The following FRMPD4 variants were observed in gnomAD, a reference collection of about 807,000 sequenced individuals.
FRMPD4 encodes FERM and PDZ domain containing 4, also known as FERM and PDZ domain-containing protein 4.
A neutral mutation model predicts 94.1 loss-of-function variants in FRMPD4; 22 were observed. The observed-to-expected ratio is 0.23, with a 90% CI of 0.17 to 0.33. The LOEUF (loss-of-function observed/expected upper bound fraction) is 0.33, where lower values mean the gene tolerates loss of function less well. Among genes scored for constraint, FRMPD4 ranks in the 10% least tolerant of loss-of-function variants. FRMPD4 has a pLI of 1.00. For synonymous variants in FRMPD4, 631 were observed against 548.6 expected (o/e 1.15, Z -2.10); for missense variants, 1,111 against 1,339.9 (o/e 0.83, Z 2.67).
chrX:12,552,509 T>G (rs773111215), intron 2 of FRMPD4, among the ~76,000 whole-genome samples: 4 of 111,802 alleles, frequency 3.6e-5, no homozygotes, highest in Non-Finnish European at 7.5e-5. Context: ...TTAAATATAT[T>G]TTGCAGTTCT....
chrX:11,926,870 T>G (rs928878355), intron 3 of FRMPD4, among the ~76,000 whole-genome samples: 1 of 111,369 alleles, frequency 9.0e-6, no homozygotes, highest in Admixed American at 9.5e-5. Flanking sequence ...ACCACTCCTA[T>G]TCAGCATAGT....
intron 3 of FRMPD4, among the ~76,000 whole-genome samples, chrX:12,036,689 T>A (rs1601896464): frequency 8.9e-6 from 1 of 112,192 alleles, no homozygotes; most frequent in African/African-American, 3.2e-5. Context: ...CAATTTCTAA[T>A]CTATGCAGAT....
intron 1 of FRMPD4, among the ~76,000 whole-genome samples, chrX:11,838,654 GC>G (rs1195881692): frequency 9.0e-6 from 1 of 110,988 alleles, no homozygotes; most frequent in Non-Finnish European, 1.9e-5. Context: ...CACTTCTGCT[GC>G]CACGAGGCCC....
intron 1 of FRMPD4, among the ~76,000 whole-genome samples, chrX:12,217,362 A>T (rs773409293): frequency 8.9e-6 from 1 of 112,061 alleles, no homozygotes; most frequent in Non-Finnish European, 1.9e-5. Context: ...TGCCAATAAT[A>T]GTGGGTAAAA....
chrX:12,269,221 G>C (rs746842350), intron 1 of FRMPD4, among the ~76,000 whole-genome samples: 3 of 111,555 alleles, frequency 2.7e-5, no homozygotes, highest in Admixed American at 9.5e-5. Context: ...TAAGAGTTTG[G>C]GGAGAAGCCC....
At chrX:12,526,650 C>A (rs2058226733) in intron 2 of FRMPD4, among the ~76,000 whole-genome samples, 1 of 112,139 alleles carries the variant, frequency 8.9e-6, no homozygotes, top group East Asian at 2.8e-4. Flanking sequence ...TGAGCTGTAG[C>A]CATCTGGTGG....
At chrX:12,503,901 CTG>C (rs1207645090) in intron 2 of FRMPD4, among the ~76,000 whole-genome samples, 1 of 111,942 alleles carries the variant, frequency 8.9e-6, no homozygotes, top group Non-Finnish European at 1.9e-5. Flanking sequence ...ATCTGTTACT[CTG>C]TGGTGAATTC....
At chrX:12,096,314 G>A (rs1399471820) in intron 3 of FRMPD4, among the ~76,000 whole-genome samples, 7 of 112,367 alleles carry the variant, frequency 6.2e-5, no homozygotes, top group African/African-American at 2.3e-4. Context: ...TTAAATCAGT[G>A]ATTGTGGAAT....
chrX:12,394,258 A>G (rs1338750152), intron 1 of FRMPD4, among the ~76,000 whole-genome samples: 1 of 111,618 alleles, frequency 9.0e-6, no homozygotes, highest in Non-Finnish European at 1.9e-5. Context: ...CAGGGTTAGA[A>G]GGGACCATAT....
At chrX:12,367,464 C>T (rs1041044461) in intron 1 of FRMPD4, among the ~76,000 whole-genome samples, 3 of 112,449 alleles carry the variant, frequency 2.7e-5, no homozygotes, top group Non-Finnish European at 5.6e-5. Context: ...ATGAACCATC[C>T]TTAGTGGCTG....
At chrX:12,021,146 G>A (rs778505270) in intron 3 of FRMPD4, among the ~76,000 whole-genome samples, 2 of 111,722 alleles carry the variant, frequency 1.8e-5, no homozygotes, top group Non-Finnish European at 3.8e-5. Flanking sequence ...AAATTGCCCA[G>A]GAGTGGAGAG....
rs1004277783 is a variant in FRMPD4, at chrX:12,220,071, G to A, written c.41+81059G>A. On this transcript the variant is annotated intron_variant, in intron 1 of 16. Transcript: ENST00000675598. ...CAGGAGAATTGTTTGAACCCAGGAG[G>A]CGGAGGTTGTGGTGAGCGGAGATCG... 3.6e-5 allele frequency among the ~76,000 whole-genome samples: 4 copies of A among 111,988 alleles called. No homozygotes were observed. The East Asian group carries it at 1.1e-3, about 31-fold the overall frequency.
intron 1 of FRMPD4, among the ~76,000 whole-genome samples, chrX:12,243,790 C>CTTTTTTT: frequency 4.4e-5 from 1 of 22,914 alleles, no homozygotes; most frequent in Non-Finnish European, 6.9e-5. Context: ...ATCTAAAGGG[C>CTTTTTTT]TTTTTTTTTT....
intron 1 of FRMPD4, among the ~76,000 whole-genome samples, chrX:12,449,851 C>T (rs763914260): frequency 2.7e-5 from 3 of 110,075 alleles, no homozygotes; most frequent in South Asian, 4.0e-4. Context: ...TAGCTGGACA[C>T]GGTGGTACAT....
At chrX:12,720,055 A>AAAGGAAAGGAAAGG (rs1358699127) in intron 16 of FRMPD4, among the ~76,000 whole-genome samples, 3 of 67,038 alleles carry the variant, frequency 4.5e-5, no homozygotes, top group African/African-American at 2.0e-4. Context: ...GAAAGGAAAG[A>AAAGGAAAGGAAAGG]AAGAAAGAAA....
chrX:12,387,090 T>G (rs900549715), intron 1 of FRMPD4, among the ~76,000 whole-genome samples: 1 of 112,452 alleles, frequency 8.9e-6, no homozygotes, highest in Non-Finnish European at 1.9e-5. Context: ...CATTGGTTGC[T>G]CTATTCTTTT....
intron 1 of FRMPD4, among the ~76,000 whole-genome samples, chrX:12,438,792 G>A (rs1470668741): frequency 9.0e-6 from 1 of 111,691 alleles, no homozygotes; most frequent in Non-Finnish European, 1.9e-5. Flanking sequence ...TGCTGTGGAG[G>A]TGGCAAGAAA....
intron 3 of FRMPD4, among the ~76,000 whole-genome samples, chrX:12,040,695 GT>G (rs1168828320): frequency 2.8e-5 from 3 of 106,260 alleles, no homozygotes; most frequent in Admixed American, 1.0e-4. Flanking sequence ...GCCCGGTGGG[GT>G]TTTTTTGTAT....
intron 1 of FRMPD4, among the ~76,000 whole-genome samples, chrX:12,453,817 A>G (rs1339696293): frequency 7.1e-5 from 8 of 112,159 alleles, no homozygotes; most frequent in African/African-American, 2.6e-4. Flanking sequence ...GATGATTTGC[A>G]TGGATTATGA....
Sources: gnomAD v4.1 joint callset for allele counts (sites outside exome capture counted in the v4.1 genomes callset) on GRCh38, gnomAD v4.1.1 for gene constraint, MANE v1.5 for transcripts, NCBI Gene and HGNC (gene_info 2026-07-23, HGNC 2026-07-21) for gene names.